The following SLC4A4 variants were observed in gnomAD, a reference collection of about 807,000 sequenced individuals.
SLC4A4 encodes the protein solute carrier family 4 member 4.
A neutral mutation model predicts 111.5 loss-of-function variants in SLC4A4; 27 were observed. That is an observed-to-expected ratio of 0.24 (90% CI 0.18 to 0.33). The LOEUF is 0.33. Among genes scored for constraint, SLC4A4 ranks in the 10% least tolerant of loss-of-function variants. The pLI, the probability that SLC4A4 is intolerant of heterozygous loss-of-function variation, is 1.00. For synonymous variants in SLC4A4, 443 were observed against 463.4 expected (o/e 0.96, Z 0.57); for missense variants, 909 against 1,315.5 (o/e 0.69, Z 4.78).
Position 71,308,957 on chromosome 4 carries a change from C to T in SLC4A4, c.254-30413C>T, listed in dbSNP as rs1725917313. Among the ~76,000 whole-genome samples, 3 of 152,214 alleles carry T rather than the reference C, an allele frequency of 2.0e-5. No homozygotes were observed. In the South Asian group the frequency reaches 6.2e-4, roughly 32 times the overall value. On this transcript the variant is annotated intron_variant, in intron 3 of 25. Transcript: ENST00000264485. The stretch of plus-strand genomic sequence containing the variant: ...TGCAGTGGATCCTACTCCCACAGAG[C>T]CCAGCAAGCTAAGAACCACTGGCTT...
chr4:71,284,556 C>T (rs1723760991), intron 3 of SLC4A4, among the ~76,000 whole-genome samples: 1 of 152,180 alleles, frequency 6.6e-6, no homozygotes, highest in Admixed American at 6.5e-5. Context: ...CATCTCTTAG[C>T]TTTGGGTGAT....
intron 2 of SLC4A4, among the ~76,000 whole-genome samples, chr4:71,150,527 A>T (rs147664917): frequency 5.3e-5 from 8 of 152,276 alleles, no homozygotes; most frequent in Admixed American, 5.2e-4. Flanking sequence ...ACTCAACTAA[A>T]TGCGTTACCT....
At chr4:71,159,826 G>A (rs1744572409) in intron 2 of SLC4A4, among the ~76,000 whole-genome samples, 1 of 152,136 alleles carries the variant, frequency 6.6e-6, no homozygotes, top group Non-Finnish European at 1.5e-5. Flanking sequence ...AAAAATCTGA[G>A]CATAGTTTCC....
intron 1 of SLC4A4, among the ~76,000 whole-genome samples, chr4:71,066,106 G>A (rs1312876089): frequency 6.6e-6 from 1 of 152,166 alleles, no homozygotes; most frequent in Non-Finnish European, 1.5e-5. Flanking sequence ...TTTACTGGAT[G>A]TCTTGTTAAA....
chr4:71,184,946 G>T (rs1745405190), upstream of SLC4A4, among the ~76,000 whole-genome samples: 1 of 152,168 alleles, frequency 6.6e-6, no homozygotes, highest in Non-Finnish European at 1.5e-5. Context: ...CTTTGCCAAA[G>T]ACTCTTTTTC....
intron 2 of SLC4A4, among the ~76,000 whole-genome samples, chr4:71,137,169 G>A (rs1743868572): frequency 6.6e-6 from 1 of 152,092 alleles, no homozygotes; most frequent in South Asian, 2.1e-4. Context: ...AAAATAATTA[G>A]CTCCAAGCCG....
At chr4:71,203,604 G>A (rs1746354386) in intron 1 of SLC4A4, among the ~76,000 whole-genome samples, 2 of 152,082 alleles carry the variant, frequency 1.3e-5, no homozygotes, top group South Asian at 2.1e-4. Flanking sequence ...ATACCTTGGC[G>A]AAAAACATGC....
Position 71,136,070 on chromosome 4 carries a change from C to T in SLC4A4, c.-2+43278C>T, listed in dbSNP as rs1027902836. 1.3e-5 allele frequency among the ~76,000 whole-genome samples: 2 copies of T among 152,180 alleles called. 1 individual carries two copies. Among genetic ancestry groups the T allele is most frequent in the Middle Eastern group, 6.3e-3 (2 of 316 alleles). On this transcript the variant is annotated intron_variant, in intron 2 of 26. Transcript: ENST00000649996. Reference sequence around the variant, plus strand: ...TAAGAGCTTAAACATTCTTTTCCCACCCATAGTGCTGTCCCTTTGGATGGG... The same window carrying T: ...TAAGAGCTTAAACATTCTTTTCCCATCCATAGTGCTGTCCCTTTGGATGGG...
intron 4 of SLC4A4, among the ~76,000 whole-genome samples, chr4:71,342,016 A>G (rs1728938242): frequency 6.6e-6 from 1 of 152,174 alleles, no homozygotes; most frequent in South Asian, 2.1e-4. Context: ...TCTCTTTCTA[A>G]TAGACATCTA....
intron 16 of SLC4A4, among the ~76,000 whole-genome samples, chr4:71,509,803 G>T (rs1731743553): frequency 6.6e-6 from 1 of 152,170 alleles, no homozygotes; most frequent in South Asian, 2.1e-4. Context: ...TGCCCCATGG[G>T]TTTGAGCAAT....
intron 18 of SLC4A4, among the ~76,000 whole-genome samples, chr4:71,543,350 A>T (rs1578153326): frequency 6.6e-6 from 1 of 152,200 alleles, no homozygotes; most frequent in East Asian, 1.9e-4. Context: ...CACATTGGTG[A>T]TTTTCCCTTC....
chr4:71,293,535 C>A (rs1011538229), intron 3 of SLC4A4, among the ~76,000 whole-genome samples: 21 of 150,446 alleles, frequency 1.4e-4, no homozygotes, highest in Admixed American at 4.7e-4. Flanking sequence ...TGCACTCCAG[C>A]CTGGGCGACT....
chr4:71,503,374 A>G (rs1432642265), intron 16 of SLC4A4, among the ~76,000 whole-genome samples: 3 of 151,540 alleles, frequency 2.0e-5, no homozygotes, highest in Non-Finnish European at 4.4e-5. Flanking sequence ...TAATTATTTT[A>G]ATATCCTTCA....
chr4:71,370,783 C>T (rs563491585), intron 6 of SLC4A4, among the ~76,000 whole-genome samples: 3 of 152,196 alleles, frequency 2.0e-5, no homozygotes, highest in East Asian at 3.9e-4. Flanking sequence ...TGTCAGACAT[C>T]CAGACATTGA....
chr4:71,270,225 T>G (rs1273113582), intron 3 of SLC4A4, among the ~76,000 whole-genome samples: 1 of 152,148 alleles, frequency 6.6e-6, no homozygotes, highest in African/African-American at 2.4e-5. Context: ...GTAACTGGGA[T>G]TACAGGCACC....
intron 6 of SLC4A4, among the ~76,000 whole-genome samples, chr4:71,396,848 C>T (rs746087401): frequency 3.3e-5 from 5 of 152,206 alleles, no homozygotes; most frequent in Admixed American, 6.5e-5. Flanking sequence ...GATTGGTTCC[C>T]ATGTAGTATT....
At chr4:71,261,129 C>T (rs1423038180) in intron 3 of SLC4A4, among the ~76,000 whole-genome samples, 5 of 152,124 alleles carry the variant, frequency 3.3e-5, no homozygotes, top group African/African-American at 1.2e-4. Flanking sequence ...AGAGAAGCAA[C>T]CTAAATTCAG....
chr4:71,529,179 G>T (rs1294089156), intron 16 of SLC4A4, among the ~76,000 whole-genome samples: 1 of 151,990 alleles, frequency 6.6e-6, no homozygotes, highest in Non-Finnish European at 1.5e-5. Context: ...TTGAAAAACA[G>T]CCCTGATTTG....
chr4:71,443,116 C>CTCTCTCTCTCTCTCTATATA (rs1198759861), intron 8 of SLC4A4, among the ~76,000 whole-genome samples: 1 of 65,654 alleles, frequency 1.5e-5, no homozygotes, highest in African/African-American at 8.7e-5. Flanking sequence ...CTCTCTCTCT[C>CTCTCTCTCTCTCTCTATATA]TATATATATA....
Sources: allele counts gnomAD v4.1 joint callset (sites outside exome capture counted in the v4.1 genomes callset), GRCh38; gene constraint gnomAD v4.1.1; transcripts MANE v1.5; gene names NCBI Gene and HGNC (gene_info 2026-07-23, HGNC 2026-07-21).